Variants in AGAP1 observed in about 807,000 individuals in gnomAD.
The protein encoded by AGAP1 is ArfGAP with GTPase domain, ankyrin repeat and PH domain 1, also known as arf-GAP with GTPase, ANK repeat and PH domain-containing protein 1.
AGAP1 carries 29 observed loss-of-function variants against 105.3 expected under a neutral mutation model. The ratio of observed to expected loss-of-function variants is 0.28; its 90% confidence interval spans 0.21 to 0.38. The LOEUF (loss-of-function observed/expected upper bound fraction) is 0.38. AGAP1 is among the 10% of genes least tolerant of loss of function. The pLI, the probability that AGAP1 is intolerant of heterozygous loss-of-function variation, is 1.00. For missense variants in AGAP1, 998 were observed against 1,165.1 expected (o/e 0.86, Z 2.09); for synonymous variants, 509 against 485.9 (o/e 1.05, Z -0.63).
intron 1 of AGAP1, chr2:235,670,351 TC>T (rs1316119419): frequency 3.9e-6 from 2 of 512,958 alleles, no homozygotes; most frequent in South Asian, 5.0e-5. Flanking sequence ...AACCGGAGGG[TC>T]CCCGGCCGCG....
intron 1 of AGAP1, chr2:235,671,065 G>C: frequency 4.0e-6 from 5 of 1,265,342 alleles, no homozygotes; most frequent in Non-Finnish European, 3.0e-6. Flanking sequence ...GAGGTGGGCA[G>C]CGTGGCCGGG....
intron 1 of AGAP1, among the ~76,000 whole-genome samples, chr2:235,498,292 T>C (rs1941408829): frequency 6.6e-6 from 1 of 152,132 alleles, no homozygotes; most frequent in South Asian, 2.1e-4. Context: ...TTTTGTACAT[T>C]GAGAGGTTTA....
In AGAP1 at chr2:236,036,122, G is replaced by A. The variant is rs557328736; in HGVS notation, c.1646-439G>A. 1.5e-4 allele frequency among the ~76,000 whole-genome samples: 23 copies of A among 152,208 alleles called. No individual in the cohort carries two copies. In the South Asian group the frequency reaches 4.4e-3, roughly 29 times the overall value. On this transcript the variant is annotated intron_variant, in intron 13 of 17. Coordinates refer to ENST00000304032, the MANE Select transcript of AGAP1 (RefSeq NM_001037131.3). The surrounding 1 kb of genome is among the most constrained non-coding windows in gnomAD (Gnocchi z 5.7). ...CCATAAAAGAACAGAACCTTCCCGCGTTCCTCTATCCATGGAGTGTCTGTG... is the reference window on the plus strand; with the variant it reads ...CCATAAAAGAACAGAACCTTCCCGCATTCCTCTATCCATGGAGTGTCTGTG...
At chr2:236,034,477 C>G (rs1005154557) in intron 13 of AGAP1, among the ~76,000 whole-genome samples, 4 of 152,018 alleles carry the variant, frequency 2.6e-5, no homozygotes, top group Non-Finnish European at 4.4e-5. Context: ...GTCATTTGTT[C>G]TCCAAATTCA....
rs1282158978 is a variant in AGAP1, at chr2:235,622,241, A to AG, written c.164-86936dup. On this transcript the variant is annotated intron_variant, in intron 1 of 17. Coordinates refer to ENST00000304032, the MANE Select transcript of AGAP1 (RefSeq NM_001037131.3). The surrounding 1 kb of genome is among the most constrained non-coding windows in gnomAD (Gnocchi z 5.0). ...AAAGGAGCCTTCGTCTTTGCTTCCT[A>AG]GGAATGGTCATAGTCACACCAGCCC... Among the ~76,000 whole-genome samples the AG allele has an allele frequency of 2.0e-5, 3 of 152,108 alleles. No individual in the cohort carries two copies. The highest frequency in any genetic ancestry group is 7.2e-5 in the African/African-American group (3 of 41,406).
In AGAP1 at chr2:235,971,475, C is replaced by T. The variant is rs886278978; in HGVS notation, c.1645+2852C>T. Among the ~76,000 whole-genome samples the T allele has an allele frequency of 2.0e-5, 3 of 152,006 alleles. No homozygotes were observed. Among genetic ancestry groups the T allele is most frequent in the South Asian group, 2.1e-4 (1 of 4,826 alleles). On this transcript the variant is annotated intron_variant, in intron 13 of 17. Coordinates refer to ENST00000304032, the MANE Select transcript of AGAP1 (RefSeq NM_001037131.3). This position sits in a 1 kb window ranked among gnomAD's most constrained non-coding sequence, Gnocchi z 4.8. ...CAGCACTTTGGGAGGCTGAGGCGGGCGGATCACGAGGTCAGGAGATCGAGA... is the reference window on the plus strand; with the variant it reads ...CAGCACTTTGGGAGGCTGAGGCGGGTGGATCACGAGGTCAGGAGATCGAGA...
chr2:235,818,191 T>TA (rs1164771037), intron 9 of AGAP1, among the ~76,000 whole-genome samples: 1 of 152,230 alleles, frequency 6.6e-6, no homozygotes, highest in East Asian at 1.9e-4. Context: ...TATTGTACAT[T>TA]ACGTTGGTTG....
intron 16 of AGAP1, among the ~76,000 whole-genome samples, chr2:236,063,473 G>A (rs1312141112): frequency 1.3e-5 from 2 of 152,224 alleles, no homozygotes; most frequent in East Asian, 3.9e-4. Context: ...GCCATTGGGA[G>A]GATGATGAGG....
intron 12 of AGAP1, among the ~76,000 whole-genome samples, chr2:235,955,900 C>A (rs549503018): frequency 3.9e-5 from 6 of 152,146 alleles, no homozygotes; most frequent in Non-Finnish European, 8.8e-5. Context: ...CCTAAGGAGC[C>A]CACCTTCCCC....
rs2054865886 is a variant in AGAP1, at chr2:235,976,522, T to A, written c.1645+7899T>A. Among the ~76,000 whole-genome samples, 1 of 152,084 alleles carries A rather than the reference T, an allele frequency of 6.6e-6. No individual in the cohort carries two copies. Among genetic ancestry groups the A allele is most frequent in the Non-Finnish European group, 1.5e-5 (1 of 68,018 alleles). ...CCGACGCACAGAAGGATGTTTGTAG[T>A]GTGGTTTTTGTTTGTTTGTTTGTTT... On this transcript the variant is annotated intron_variant, in intron 13 of 17. Coordinates refer to ENST00000304032, the MANE Select transcript of AGAP1 (RefSeq NM_001037131.3). The surrounding 1 kb of genome is among the most constrained non-coding windows in gnomAD (Gnocchi z 4.5).
chr2:235,660,748 C>G lies in AGAP1; in HGVS notation c.164-48431C>G, dbSNP rs1484017419. ...GAATCTTGGGATGCAATAGAAACAA[C>G]CTCTGTTGGTTTTCAGCATTGGAGC... On this transcript the variant is annotated intron_variant, in intron 1 of 17. Transcript: ENST00000304032. This position sits in a 1 kb window ranked among gnomAD's most constrained non-coding sequence, Gnocchi z 5.3. Among the ~76,000 whole-genome samples the G allele has an allele frequency of 6.6e-6, 1 of 152,132 alleles. No homozygotes were observed. The highest frequency in any genetic ancestry group is 2.4e-5 in the African/African-American group (1 of 41,410).
At chr2:235,587,188 T>G (rs573118026) in intron 1 of AGAP1, among the ~76,000 whole-genome samples, 1 of 152,318 alleles carries the variant, frequency 6.6e-6, no homozygotes, top group Non-Finnish European at 1.5e-5. Context: ...AGCAAACACC[T>G]CTTGTCTCCT....
rs868391349 is a variant in AGAP1, at chr2:235,728,608, G to T, written c.310+10964G>T. On this transcript the variant is annotated intron_variant, in intron 3 of 17. Coordinates refer to ENST00000304032, the MANE Select transcript of AGAP1 (RefSeq NM_001037131.3). The surrounding 1 kb of genome is among the most constrained non-coding windows in gnomAD (Gnocchi z 4.3). ...CCTGCCCTGGGTCCGAAAGCTGGTG[G>T]TGGTCTGTTCTTGTTGTATGAGGGC... Among the ~76,000 whole-genome samples, 24 of 152,050 alleles carry T rather than the reference G, an allele frequency of 1.6e-4. No homozygotes were observed. Among genetic ancestry groups the T allele is most frequent in the African/African-American group, 5.8e-4 (24 of 41,394 alleles).
intron 1 of AGAP1, among the ~76,000 whole-genome samples, chr2:235,677,684 C>T (rs1948816140): frequency 6.6e-6 from 1 of 151,748 alleles, no homozygotes; most frequent in Middle Eastern, 3.2e-3. Flanking sequence ...GTGCCCTTTG[C>T]TCTCTGTGCC....
At chr2:235,679,167 C>T (rs959659818) in intron 1 of AGAP1, among the ~76,000 whole-genome samples, 5 of 152,192 alleles carry the variant, frequency 3.3e-5, no homozygotes, top group African/African-American at 4.8e-5. Flanking sequence ...AACAATACTT[C>T]GGTTAGTAAG....
chr2:235,939,910 C>T (rs1254414037), intron 12 of AGAP1, among the ~76,000 whole-genome samples: 2 of 152,258 alleles, frequency 1.3e-5, no homozygotes, highest in East Asian at 1.9e-4. Flanking sequence ...CCTGACCATT[C>T]CTCTAGACTC....
chr2:235,839,965 C>A (rs1195640144), intron 9 of AGAP1, among the ~76,000 whole-genome samples: 2 of 151,998 alleles, frequency 1.3e-5, no homozygotes, highest in African/African-American at 2.4e-5. Flanking sequence ...GGCAGCATAC[C>A]CAGAAAAGGG....
chr2:235,607,465 G>A lies in AGAP1; in HGVS notation c.164-101714G>A, dbSNP rs1313837826. 3.9e-5 allele frequency among the ~76,000 whole-genome samples: 6 copies of A among 152,386 alleles called. No homozygotes were observed. The East Asian group carries it at 9.6e-4, about 24-fold the overall frequency. Reference sequence around the variant, plus strand: ...AAGCAAACTCACAGAGCCCAGGGCAGGAGGAGCTGTTCTGACTTCAGGCGG... The same window carrying A: ...AAGCAAACTCACAGAGCCCAGGGCAAGAGGAGCTGTTCTGACTTCAGGCGG... On this transcript the variant is annotated intron_variant, in intron 1 of 17. Transcript: ENST00000304032.
At position 235,960,771 on chromosome 2, in the gene AGAP1, C is replaced by T. The variant is rs1214609893; in HGVS notation, c.1484-7691C>T. On this transcript the variant is annotated intron_variant, in intron 12 of 17. Coordinates refer to ENST00000304032, the MANE Select transcript of AGAP1 (RefSeq NM_001037131.3). The surrounding 1 kb of genome is among the most constrained non-coding windows in gnomAD (Gnocchi z 4.9). ...GCCAGCTCCTAGGGCACGCTTGGTG[C>T]GTGGGGACACTCAACAGGGAGATGC... 1.3e-5 allele frequency among the ~76,000 whole-genome samples: 2 copies of T among 152,152 alleles called. No homozygotes were observed. Among genetic ancestry groups the T allele is most frequent in the Admixed American group, 6.5e-5 (1 of 15,280 alleles).
Sources: gnomAD v4.1 joint callset for allele counts (sites outside exome capture counted in the v4.1 genomes callset) on GRCh38, gnomAD v4.1.1 for gene constraint, Gnocchi (gnomAD v3.1) non-coding constraint, MANE v1.5 for transcripts, NCBI Gene and HGNC (gene_info 2026-07-23, HGNC 2026-07-21) for gene names.